The following ZNF704 variants were observed in gnomAD, a reference collection of about 807,000 sequenced individuals.
ZNF704 encodes glucocorticoid induced gene 1.
ZNF704 carries 10 observed loss-of-function variants against 44.7 expected under a neutral mutation model. That is an observed-to-expected ratio of 0.22 (90% confidence interval 0.14 to 0.38). ZNF704 has a LOEUF of 0.38. Ranked by LOEUF, ZNF704 falls within the 10% of genes least tolerant of loss-of-function variation. The pLI is 1.00. For missense variants in ZNF704, 390 were observed against 545.5 expected (o/e 0.71, Z 2.84); for synonymous variants, 211 against 207.6 (o/e 1.02, Z -0.14).
At chr8:80,718,271 C>T (rs552089946) in intron 2 of ZNF704, among the ~76,000 whole-genome samples, 2 of 152,036 alleles carry the variant, frequency 1.3e-5, no homozygotes, top group East Asian at 1.9e-4. Context: ...ACACTGATAT[C>T]CTCCATCAAA....
At chr8:80,645,969 T>C (rs1209755908) in intron 7 of ZNF704, among the ~76,000 whole-genome samples, 1 of 152,156 alleles carries the variant, frequency 6.6e-6, no homozygotes, top group Non-Finnish European at 1.5e-5. Context: ...TCCACTCCCA[T>C]GGGTGGGATT....
intron 1 of ZNF704, among the ~76,000 whole-genome samples, chr8:80,858,488 T>G (rs540771576): frequency 6.6e-6 from 1 of 152,318 alleles, no homozygotes; most frequent in Admixed American, 6.5e-5. Context: ...TCCCAGCACT[T>G]TGGGAGGCTG....
chr8:80,795,884 G>T (rs1231819336), intron 2 of ZNF704, among the ~76,000 whole-genome samples: 1 of 152,142 alleles, frequency 6.6e-6, no homozygotes, highest in Non-Finnish European at 1.5e-5. Flanking sequence ...ACTACTTTGT[G>T]GAACTAAAAT....
chr8:80,789,384 G>A (rs1213256274), intron 2 of ZNF704, among the ~76,000 whole-genome samples: 1 of 152,162 alleles, frequency 6.6e-6, no homozygotes, highest in South Asian at 2.1e-4. Context: ...TAACTTATAT[G>A]AGGTATTGTA....
chr8:80,719,167 G>T (rs560800507), intron 2 of ZNF704, among the ~76,000 whole-genome samples: 1 of 151,966 alleles, frequency 6.6e-6, no homozygotes, highest in East Asian at 1.9e-4. Flanking sequence ...GTAGAGATGG[G>T]GTTTTGCCAT....
At position 80,847,496 on chromosome 8, in the gene ZNF704, C is replaced by T. The variant is rs185006570; in HGVS notation, c.-21-25881G>A. 2.6e-5 allele frequency among the ~76,000 whole-genome samples: 4 copies of T among 152,166 alleles called. No individual in the cohort carries two copies. The East Asian group carries it at 7.7e-4, about 29-fold the overall frequency. Reference sequence around the variant, plus strand: ...TTGTTCTAAAATGCATATGGAAAGGCACAGGACCTAGAAAAACTAAAACAA... The same window carrying T: ...TTGTTCTAAAATGCATATGGAAAGGTACAGGACCTAGAAAAACTAAAACAA... On this transcript the variant is annotated intron_variant, in intron 1 of 8. Coordinates refer to ENST00000327835, the MANE Select transcript of ZNF704 (RefSeq NM_001033723.3).
At chr8:80,664,000 G>T (rs904659070) in intron 6 of ZNF704, among the ~76,000 whole-genome samples, 2 of 151,904 alleles carry the variant, frequency 1.3e-5, no homozygotes, top group Admixed American at 6.6e-5. Flanking sequence ...CAAAGTTCTG[G>T]GATTACAGGT....
At chr8:80,820,527 CT>C (rs1380986627) in intron 2 of ZNF704, among the ~76,000 whole-genome samples, 4 of 151,100 alleles carry the variant, frequency 2.6e-5, no homozygotes, top group African/African-American at 9.7e-5. Flanking sequence ...CAACTTTTTT[CT>C]TTTTTTTTCT....
At chr8:80,700,448 G>A (rs1156549863) in intron 2 of ZNF704, among the ~76,000 whole-genome samples, 3 of 152,168 alleles carry the variant, frequency 2.0e-5, no homozygotes, top group African/African-American at 7.2e-5. Flanking sequence ...ACAGACCTTA[G>A]AGGGTTTGGA....
chr8:80,644,998 T>G, intron 7 of ZNF704: 2 of 1,191,004 alleles, frequency 1.7e-6, no homozygotes, highest in African/African-American at 3.0e-5. Context: ...GGTTCATGGA[T>G]CATATAATGG....
intron 1 of ZNF704, among the ~76,000 whole-genome samples, chr8:80,867,884 C>G (rs965038514): frequency 6.6e-6 from 1 of 152,208 alleles, no homozygotes; most frequent in Non-Finnish European, 1.5e-5. Flanking sequence ...CATTTAAAAG[C>G]CTTTCTTCAG....
chr8:80,693,671 A>G (rs895517920), intron 2 of ZNF704, among the ~76,000 whole-genome samples: 1 of 152,166 alleles, frequency 6.6e-6, no homozygotes, highest in Non-Finnish European at 1.5e-5. Context: ...TCCCAAGCAG[A>G]GGCAGCAGCC....
intron 1 of ZNF704, among the ~76,000 whole-genome samples, chr8:80,836,648 G>A (rs978063916): frequency 2.6e-5 from 4 of 152,054 alleles, no homozygotes; most frequent in African/African-American, 9.7e-5. Context: ...CTACAGGCAT[G>A]GTGGTACGTG....
In ZNF704 at chr8:80,732,011, TA is replaced by T. The variant is rs541428735; in HGVS notation, c.222-38905del. 2.8e-4 allele frequency among the ~76,000 whole-genome samples: 43 copies of T among 152,330 alleles called. No individual in the cohort carries two copies. The South Asian group carries it at 8.1e-3, about 29-fold the overall frequency. On this transcript the variant is annotated intron_variant, in intron 2 of 8. Transcript: ENST00000327835. Reference sequence around the variant, plus strand: ...AATGATAATGTCTTCAAACAGAGGCTAAAAATACTAAAGACCAATTATATGT... The same window carrying T: ...AATGATAATGTCTTCAAACAGAGGCTAAAATACTAAAGACCAATTATATGT...
At chr8:80,827,259 C>T (rs868666848) in intron 1 of ZNF704, among the ~76,000 whole-genome samples, 2 of 152,172 alleles carry the variant, frequency 1.3e-5, no homozygotes, top group Admixed American at 6.5e-5. Flanking sequence ...GCAAAAATCA[C>T]AAGCATTCCT....
chr8:80,702,387 G>A (rs1197524958), intron 2 of ZNF704, among the ~76,000 whole-genome samples: 1 of 152,190 alleles, frequency 6.6e-6, no homozygotes, highest in Non-Finnish European at 1.5e-5. Flanking sequence ...AGCAGCAACC[G>A]AGGCTCAGCT....
At position 80,733,432 on chromosome 8, in the gene ZNF704, T is replaced by C. The variant is rs544814193; in HGVS notation, c.222-40325A>G. ...CATTTTTTTGAGATGTACTTTACTT[T>C]GCTATTGGCAGGTATAGAAACCAGC... On this transcript the variant is annotated intron_variant, in intron 2 of 8. Coordinates refer to ENST00000327835, the MANE Select transcript of ZNF704 (RefSeq NM_001033723.3). 2.6e-5 allele frequency among the ~76,000 whole-genome samples: 4 copies of C among 152,354 alleles called. No individual in the cohort carries two copies. In the South Asian group the frequency reaches 8.3e-4, roughly 32 times the overall value.
chr8:80,809,500 G>T (rs1257907718), intron 2 of ZNF704, among the ~76,000 whole-genome samples: 1 of 152,166 alleles, frequency 6.6e-6, no homozygotes, highest in Non-Finnish European at 1.5e-5. Context: ...CTTCCTTGAA[G>T]AAGTGAGTGT....
chr8:80,708,323 G>A (rs2131654564), intron 2 of ZNF704, among the ~76,000 whole-genome samples: 1 of 152,302 alleles, frequency 6.6e-6, no homozygotes, highest in African/African-American at 2.4e-5. Flanking sequence ...ACACAATGCA[G>A]AGTTTACCGC....
Sources: gnomAD v4.1 joint callset for allele counts (sites outside exome capture counted in the v4.1 genomes callset) on GRCh38, gnomAD v4.1.1 for gene constraint, MANE v1.5 for transcripts, NCBI Gene and HGNC (gene_info 2026-07-23, HGNC 2026-07-21) for gene names.